SORCS1: variants seen among roughly 807,000 people sequenced by gnomAD.
SORCS1 encodes VPS10 domain-containing receptor SorCS1.
In SORCS1, 60 loss-of-function variants were observed where a neutral mutation model predicts 146.1. That is an observed-to-expected ratio of 0.41 (90% CI 0.33 to 0.51). The LOEUF is 0.51. Among genes scored for constraint, SORCS1 ranks in the 20% least tolerant of loss-of-function variants. The pLI, the probability that SORCS1 is intolerant of heterozygous loss-of-function variation, is 0.21. For missense variants in SORCS1, 1,352 were observed against 1,487.6 expected (o/e 0.91, Z 1.50); for synonymous variants, 637 against 584.0 (o/e 1.09, Z -1.31).
At chr10:106,872,191 A>G (rs990397268) in intron 2 of SORCS1, among the ~76,000 whole-genome samples, 13 of 152,236 alleles carry the variant, frequency 8.5e-5, no homozygotes, top group African/African-American at 3.1e-4. Flanking sequence ...TACTTTATAT[A>G]GCATAGCCAA....
At chr10:106,667,628 A>G in intron 17 of SORCS1, 61 bp downstream of exon 17, 1 of 1,096,832 alleles carries the variant, frequency 9.1e-7, no homozygotes, top group Non-Finnish European at 1.4e-6. Flanking sequence ...TTCTGTCAGT[A>G]TAACACGTGC....
the SORCS1 span, among the ~76,000 whole-genome samples, chr10:107,178,889 C>T: frequency 6.6e-6 from 1 of 152,142 alleles, no homozygotes; most frequent in Non-Finnish European, 1.5e-5. Context: ...TTTGATTCCT[C>T]ATCTCAGCTA....
chr10:107,058,991 G>A (rs943028639), intron 1 of SORCS1, among the ~76,000 whole-genome samples: 3 of 152,006 alleles, frequency 2.0e-5, no homozygotes, highest in Admixed American at 6.6e-5. Flanking sequence ...GCGCTGCACC[G>A]GGTTTTTATC....
intron 1 of SORCS1, among the ~76,000 whole-genome samples, chr10:107,121,952 G>T (rs1302452265): frequency 1.3e-5 from 2 of 152,068 alleles, no homozygotes; most frequent in African/African-American, 4.8e-5. Flanking sequence ...GAGGGAAAAG[G>T]AAAAAAGGAG....
At chr10:107,018,168 C>G (rs1460379517) in intron 1 of SORCS1, among the ~76,000 whole-genome samples, 1 of 151,924 alleles carries the variant, frequency 6.6e-6, no homozygotes, top group Non-Finnish European at 1.5e-5. Context: ...CACACTTCTC[C>G]ACAACTCTCC....
chr10:106,750,193 G>A (rs1858047504), intron 5 of SORCS1, among the ~76,000 whole-genome samples: 2 of 152,022 alleles, frequency 1.3e-5, no homozygotes, highest in African/African-American at 4.8e-5. Context: ...CCTCACTCAT[G>A]GTAATCACTT....
chr10:106,584,817 A>G (rs978927322), intron 24 of SORCS1, among the ~76,000 whole-genome samples: 7 of 152,208 alleles, frequency 4.6e-5, no homozygotes. Flanking sequence ...ATCCAGTGAC[A>G]GGGAGTTGAG....
intron 1 of SORCS1, among the ~76,000 whole-genome samples, chr10:107,107,726 G>A (rs991941762): frequency 3.3e-5 from 5 of 152,224 alleles, no homozygotes; most frequent in African/African-American, 1.2e-4. Flanking sequence ...GCCATTTTGA[G>A]AGGGCCAACT....
intron 2 of SORCS1, among the ~76,000 whole-genome samples, chr10:106,897,999 C>T (rs1951552411): frequency 1.3e-5 from 2 of 152,232 alleles, no homozygotes; most frequent in Non-Finnish European, 2.9e-5. Flanking sequence ...CATCAGTTAT[C>T]CTGCAGATAA....
intron 1 of SORCS1, among the ~76,000 whole-genome samples, chr10:107,144,587 T>A (rs888498457): frequency 6.6e-6 from 1 of 152,234 alleles, no homozygotes; most frequent in Non-Finnish European, 1.5e-5. Flanking sequence ...AGAAAGAGCA[T>A]GACTCTGCAG....
intron 24 of SORCS1, among the ~76,000 whole-genome samples, chr10:106,593,687 A>T (rs1425181446): frequency 6.6e-6 from 1 of 152,224 alleles, no homozygotes; most frequent in Non-Finnish European, 1.5e-5. Context: ...ATCAAAACTA[A>T]CAGGAAAGAT....
At chr10:106,888,226 C>T (rs926530428) in intron 2 of SORCS1, among the ~76,000 whole-genome samples, 2 of 152,172 alleles carry the variant, frequency 1.3e-5, no homozygotes, top group African/African-American at 2.4e-5. Context: ...AAGTAAAATA[C>T]TATTGGCCCA....
At chr10:106,837,934 A>G (rs1016627439) in intron 2 of SORCS1, among the ~76,000 whole-genome samples, 1 of 151,984 alleles carries the variant, frequency 6.6e-6, no homozygotes, top group Non-Finnish European at 1.5e-5. Flanking sequence ...CACAATATTT[A>G]TCCCCATCTG....
chr10:106,778,001 A>G (rs142973207), intron 3 of SORCS1, among the ~76,000 whole-genome samples: 32 of 152,262 alleles, frequency 2.1e-4, no homozygotes, highest in African/African-American at 7.5e-4. Flanking sequence ...AGAGAGAGAG[A>G]GGGGAATAGA....
chr10:106,679,187 A>G, intron 12 of SORCS1, 69 bp downstream of exon 12: 1 of 1,263,956 alleles, frequency 7.9e-7, no homozygotes, highest in Admixed American at 2.0e-5. Flanking sequence ...AAGTTCCCAG[A>G]TTTGAACCAA....
intron 1 of SORCS1, 24 bp from the exon 2 acceptor site, chr10:106,956,604 G>T: frequency 6.2e-7 from 1 of 1,607,574 alleles, no homozygotes. Context: ...AAGAAATCAT[G>T]GTTAGTCTCA....
chr10:106,896,602 A>G (rs1209664834), intron 2 of SORCS1, among the ~76,000 whole-genome samples: 1 of 151,904 alleles, frequency 6.6e-6, no homozygotes. Flanking sequence ...TGAATTGTAC[A>G]GTTAGAAATG....
chr10:106,878,641 TATATA>T lies in SORCS1; in HGVS notation c.627-48973_627-48969del, dbSNP rs1564765109. Among the ~76,000 whole-genome samples the T allele has an allele frequency of 5.0e-5, 7 of 138,848 alleles. No homozygotes were observed. The South Asian group carries it at 6.9e-4, about 14-fold the overall frequency. The allele number at this position is 138,848 out of a possible 152,430, so 91.1% of individuals were successfully genotyped here. ...CCTAGTATATATATATATATATATA[TATATA>T]TATTTTATAGCAGCCTGAATGGACT... On this transcript the variant is annotated intron_variant, in intron 2 of 25. Transcript: ENST00000263054.
chr10:106,967,840 A>G (rs1342516466), intron 1 of SORCS1, among the ~76,000 whole-genome samples: 1 of 152,112 alleles, frequency 6.6e-6, no homozygotes, highest in Non-Finnish European at 1.5e-5. Flanking sequence ...CAGAATTCTC[A>G]GTTTAGAGCT....
Sources: allele counts gnomAD v4.1 joint callset (sites outside exome capture counted in the v4.1 genomes callset), GRCh38; gene constraint gnomAD v4.1.1; transcripts MANE v1.5; gene names NCBI Gene and HGNC (gene_info 2026-07-23, HGNC 2026-07-21).